Variants in XAB2 observed in about 807,000 individuals in gnomAD.
XAB2 encodes XPA binding protein 2, also known as pre-mRNA-splicing factor SYF1.
In XAB2, 57 loss-of-function variants were observed where a neutral mutation model predicts 113.4. That is an observed-to-expected ratio of 0.50 (90% CI 0.41 to 0.63). XAB2 has a LOEUF of 0.63. Among genes scored for constraint, XAB2 ranks in the 20% least tolerant of loss-of-function variants. The probability of loss-of-function intolerance (pLI) is 0.00; values close to 1 mark genes in which losing one functional copy is unlikely to be tolerated. For missense variants in XAB2, 1,037 were observed against 1,233.3 expected (o/e 0.84, Z 2.38); for synonymous variants, 497 against 498.8 (o/e 1.00, Z 0.05).
chr19:7,626,669 C>T (rs765759475), intron 4 of XAB2, among the ~76,000 whole-genome samples: 5 of 152,024 alleles, frequency 3.3e-5, no homozygotes, highest in African/African-American at 7.3e-5. Flanking sequence ...CTTGGCTCCA[C>T]TAGTCCAGCC....
Position 7,627,708 on chromosome 19 carries a change from CCCCTCGCCGAG to C in XAB2, c.324+9_324+19del. The C allele has an allele frequency of 6.8e-7, 1 of 1,479,356 alleles. No individual in the cohort carries two copies. Among genetic ancestry groups the C allele is most frequent in the Non-Finnish European group, 9.1e-7 (1 of 1,095,202 alleles). The allele number at this position is 1,479,356 out of a possible 1,614,324, so 91.6% of individuals were successfully genotyped here. On this transcript the variant is annotated intron_variant, in intron 3 of 18. Transcript: ENST00000358368. This position sits in a 1 kb window ranked among gnomAD's most constrained non-coding sequence, Gnocchi z 4.5. ...GACTGAGCTCCACTTCCCGATTCAT[CCCCTCGCCGAG>C]CCCCAAACCTTGTGCATGAACACAA...
chr19:7,625,830 T>A lies in XAB2; in HGVS notation c.822+50A>T. 1.9e-6 allele frequency: 3 copies of A among 1,555,482 alleles called. No individual in the cohort carries two copies. The highest frequency in any genetic ancestry group is 2.6e-6 in the Non-Finnish European group (3 of 1,147,010). On this transcript the variant is annotated intron_variant, in intron 6 of 18. Coordinates refer to ENST00000358368, the MANE Select transcript of XAB2 (RefSeq NM_020196.3). The surrounding 1 kb of genome is among the most constrained non-coding windows in gnomAD (Gnocchi z 5.2). ...ATGTGTCAACATGTGTCCCCGAGTG[T>A]CGGAGGGAGACCCCGCCCCGAACCC...
In XAB2 at chr19:7,626,282, G is replaced by A; in HGVS notation, c.523-12C>T. On this transcript the variant is annotated splice_polypyrimidine_tract_variant and intron_variant, in intron 4 of 18. Transcript: ENST00000358368. Reference sequence around the variant, plus strand: ...CTCTCAGGACTCAGCTGGGGACCGAGCCACCCCTCAGGCAGTCAGTGGGGT... The same window carrying A: ...CTCTCAGGACTCAGCTGGGGACCGAACCACCCCTCAGGCAGTCAGTGGGGT... The A allele has an allele frequency of 6.2e-7, 1 of 1,604,596 alleles. No homozygotes were observed. Among genetic ancestry groups the A allele is most frequent in the African/African-American group, 1.3e-5 (1 of 74,968 alleles).
rs1391917760 is a variant in XAB2, at chr19:7,623,124, A to G, written c.1239+46T>C. ...CACATACATGCACACATATACAAGC[A>G]CACACACATGCATGAACACACAGGC... On this transcript the variant is annotated intron_variant, in intron 9 of 18. Transcript: ENST00000358368. This position sits in a 1 kb window ranked among gnomAD's most constrained non-coding sequence, Gnocchi z 4.6. 24 of 1,606,146 alleles carry G rather than the reference A, an allele frequency of 1.5e-5. No individual in the cohort carries two copies. The highest frequency in any genetic ancestry group is 2.0e-5 in the Non-Finnish European group (24 of 1,175,694).
At position 7,621,138 on chromosome 19, in the gene XAB2, T is replaced by G; in HGVS notation, c.1777A>C (p.Lys593Gln). The change falls in exon 13 of 19, where the codon AAG becomes CAG. Residue 593 changes from lysine (K) to glutamine (Q), a missense_variant. By Grantham distance (53) the Lys-to-Gln change is moderately conservative. Transcript: ENST00000358368. The stretch of plus-strand genomic sequence containing the variant: ...CCATGCCCTCTGCCCGCCTCACTCT[T>G]GGCATATTTTGGGGGGCAGCCGTCC... ...ALDGCPPKYA[K>Q]TLYLLYAQLE... 6.3e-7 allele frequency: 1 copy of G among 1,596,196 alleles called. No homozygotes were observed. The highest frequency in any genetic ancestry group is 1.1e-5 in the South Asian group (1 of 89,682).
intron 13 of XAB2, 37 bp downstream of exon 13, chr19:7,621,098 C>G (rs748023532): frequency 1.3e-6 from 2 of 1,495,082 alleles, no homozygotes; most frequent in South Asian, 1.2e-5. Flanking sequence ...AAACCCAGCC[C>G]GCCCGCCACC....
In XAB2 at chr19:7,625,956, G is replaced by C. The variant is rs1179239082; in HGVS notation, c.746C>G (p.Thr249Ser). 1.2e-6 allele frequency: 2 copies of C among 1,613,854 alleles called. No homozygotes were observed. Among genetic ancestry groups the C allele is most frequent in the South Asian group, 1.1e-5 (1 of 91,044 alleles). Reference protein sequence around the residue: ...NVDAIIRGGLTRFTDQLGKLW... With the variant: ...NVDAIIRGGLSRFTDQLGKLW... ...CTTGCCCAGCTGGTCGGTGAAGCGG[G>C]TGAGGCCCCCGCGGATGATGGCGTC... The change falls in exon 6 of 19, where the codon ACC becomes AGC. Residue 249 changes from threonine (T) to serine (S), a missense_variant. Thr to Ser is a moderately conservative substitution (Grantham distance 58, BLOSUM62 1). Transcript: ENST00000358368. This position sits in a 1 kb window ranked among gnomAD's most constrained non-coding sequence, Gnocchi z 5.2.
rs578150120 is a variant in XAB2, at chr19:7,628,049, C to T, written c.200+101G>A. Reference sequence around the variant, plus strand: ...GGATGTACAGGTCAGTGATGAAACACGAAGCAATCACCCGGGACCCGGGAC... The same window carrying T: ...GGATGTACAGGTCAGTGATGAAACATGAAGCAATCACCCGGGACCCGGGAC... On this transcript the variant is annotated intron_variant, in intron 2 of 18. Coordinates refer to ENST00000358368, the MANE Select transcript of XAB2 (RefSeq NM_020196.3). The surrounding 1 kb of genome is among the most constrained non-coding windows in gnomAD (Gnocchi z 4.6). The T allele has an allele frequency of 1.5e-5, 22 of 1,500,018 alleles. No homozygotes were observed. Among genetic ancestry groups the T allele is most frequent in the African/African-American group, 2.8e-5 (2 of 72,620 alleles). 92.9% of individuals were successfully genotyped at this position (1,500,018 alleles called of 1,614,324 possible).
At position 7,623,698 on chromosome 19, in the gene XAB2, C is replaced by G; in HGVS notation, c.1119+33G>C. On this transcript the variant is annotated intron_variant, in intron 8 of 18. Coordinates refer to ENST00000358368, the MANE Select transcript of XAB2 (RefSeq NM_020196.3). This position sits in a 1 kb window ranked among gnomAD's most constrained non-coding sequence, Gnocchi z 4.6. The stretch of plus-strand genomic sequence containing the variant: ...TCCCCAGTTCTGCAGGAAACTGGCC[C>G]TCAGGGGTAGGACTGGGGCAGGCTT... 6.5e-7 allele frequency: 1 copy of G among 1,550,098 alleles called. No homozygotes were observed. Among genetic ancestry groups the G allele is most frequent in the South Asian group, 1.2e-5 (1 of 83,274 alleles).
chr19:7,622,786 G>A lies in XAB2; in HGVS notation c.1347C>T (p.Tyr449=), dbSNP rs759786643. The stretch of plus-strand genomic sequence containing the variant: ...CTCGCAGCAGCCGCAAGGCCTCATC[G>A]TAGTTCTCGTGTCGGAGCTCCAGCT... The part of the protein sequence containing the change: ...CGELELRHEN[Y]DEALRLLRKA... Residue 449 remains tyrosine, a synonymous_variant, in exon 10 of 19, where the codon TAC becomes TAT. Coordinates refer to ENST00000358368, the MANE Select transcript of XAB2 (RefSeq NM_020196.3). 1.6e-5 allele frequency: 26 copies of A among 1,613,998 alleles called. No homozygotes were observed. Among genetic ancestry groups the A allele is most frequent in the Non-Finnish European group, 2.1e-5 (25 of 1,180,038 alleles).
intron 4 of XAB2, 48 bp from the exon 5 acceptor site, chr19:7,626,318 C>A (rs200681663): frequency 6.3e-7 from 1 of 1,586,914 alleles, no homozygotes; most frequent in South Asian, 1.1e-5. Flanking sequence ...GGCAGGGCTA[C>A]GCCCACCTCC....
At position 7,625,844 on chromosome 19, in the gene XAB2, C is replaced by T. The variant is rs781172083; in HGVS notation, c.822+36G>A. ...GTCCCCGAGTGTCGGAGGGAGACCC[C>T]GCCCCGAACCCAGAGCCCCGTGTGC... On this transcript the variant is annotated intron_variant, in intron 6 of 18. Coordinates refer to ENST00000358368, the MANE Select transcript of XAB2 (RefSeq NM_020196.3). The surrounding 1 kb of genome is among the most constrained non-coding windows in gnomAD (Gnocchi z 5.2). The T allele has an allele frequency of 1.7e-5, 27 of 1,566,190 alleles. No homozygotes were observed. The highest frequency in any genetic ancestry group is 2.4e-5 in the South Asian group (2 of 84,722).
rs1771615603 is a variant in XAB2, at chr19:7,620,452, T to TG, written c.2095-7dup. On this transcript the variant is annotated splice_region_variant and splice_polypyrimidine_tract_variant and intron_variant, in intron 15 of 18. Transcript: ENST00000358368. ...TGCCAGAACGCGCCGGTCGTCTGCG[T>TG]GGGGGGCAGGGCAGGGGTGGGTGTG... The TG allele has an allele frequency of 1.2e-6, 2 of 1,608,630 alleles. No homozygotes were observed. The highest frequency in any genetic ancestry group is 8.5e-7 in the Non-Finnish European group (1 of 1,177,968).
rs1210002798 is a variant in XAB2, at chr19:7,620,580, G to A, written c.2061C>T (p.Ile687=). 1.2e-6 allele frequency: 2 copies of A among 1,613,416 alleles called. No homozygotes were observed. Among genetic ancestry groups the A allele is most frequent in the South Asian group, 1.1e-5 (1 of 91,090 alleles). The change falls in exon 15 of 19, where the codon ATC becomes ATT. Residue 687 remains isoleucine (I), a synonymous_variant. Coordinates refer to ENST00000358368, the MANE Select transcript of XAB2 (RefSeq NM_020196.3). The part of the protein sequence containing the change: ...KLGEIDRARA[I]YSFCSQICDP... ...CACAGATCTGGGAGCAGAAGCTGTA[G>A]ATGGCCCGGGCGCGGTCAATCTCCC...
At chr19:7,619,885 C>T (rs2030990363) in intron 17 of XAB2, 29 bp from the exon 18 acceptor site, 1 of 1,610,140 alleles carries the variant, frequency 6.2e-7, no homozygotes, top group Non-Finnish European at 8.5e-7. Context: ...GCCTCAGTTC[C>T]CCACCCCGGG....
Position 7,620,542 on chromosome 19 carries a change from C to T in XAB2, c.2094+5G>A, listed in dbSNP as rs1444678670. ...CCTGATACCCGTCCCTCCCCACAGC[C>T]CTACCCGGGGGTCACAGATCTGGGA... On this transcript the variant is annotated splice_donor_5th_base_variant and intron_variant, in intron 15 of 18. Transcript: ENST00000358368. 5.0e-6 allele frequency: 8 copies of T among 1,613,330 alleles called. No homozygotes were observed. The highest frequency in any genetic ancestry group is 6.8e-6 in the Non-Finnish European group (8 of 1,179,916).
intron 12 of XAB2, 139 bp downstream of exon 12, chr19:7,622,192 A>T: frequency 1.2e-6 from 1 of 814,804 alleles, no homozygotes; most frequent in East Asian, 2.6e-5. Flanking sequence ...CAGGACGGGG[A>T]GAAGCTAAAT....
At position 7,620,081 on chromosome 19, in the gene XAB2, G is replaced by C; in HGVS notation, c.2267-6C>G. On this transcript the variant is annotated splice_region_variant and splice_polypyrimidine_tract_variant and intron_variant, in intron 16 of 18. Transcript: ENST00000358368. ...CCCAGGGGCCAGGTCAGACACTAGG[G>C]GGTGGGAGCAGGGGGTCAGCGCCAC... 1.2e-6 allele frequency: 2 copies of C among 1,610,826 alleles called. No homozygotes were observed. The highest frequency in any genetic ancestry group is 1.7e-6 in the Non-Finnish European group (2 of 1,179,920).
In XAB2 at chr19:7,627,824, C is replaced by T; in HGVS notation, c.228G>A (p.Lys76=). 1 of 1,613,998 alleles carries T rather than the reference C, an allele frequency of 6.2e-7. No individual in the cohort carries two copies. The highest frequency in any genetic ancestry group is 8.5e-7 in the Non-Finnish European group (1 of 1,179,958). ...CSYKLWYRYL[K]ARRAQVKHRC... Reference sequence around the variant, plus strand: ...GATGCTTCACCTGTGCCCGACGCGCCTTCAGGTATCGGTACCAGAGTTTGT... The same window carrying T: ...GATGCTTCACCTGTGCCCGACGCGCTTTCAGGTATCGGTACCAGAGTTTGT... The change falls in exon 3 of 19, where the codon AAG becomes AAA. Residue 76 remains lysine (K), a synonymous_variant. Transcript: ENST00000358368. This position sits in a 1 kb window ranked among gnomAD's most constrained non-coding sequence, Gnocchi z 4.5.
Sources: gnomAD v4.1 joint callset for allele counts (sites outside exome capture counted in the v4.1 genomes callset) on GRCh38, gnomAD v4.1.1 for gene constraint, Gnocchi (gnomAD v3.1) non-coding constraint, MANE v1.5 for transcripts, NCBI Gene and HGNC (gene_info 2026-07-23, HGNC 2026-07-21) for gene names.